Variants in USP34 observed in about 807,000 individuals in gnomAD.
USP34 encodes ubiquitin specific peptidase 34.
USP34 carries 70 observed loss-of-function variants against 460.3 expected under a neutral mutation model. That is an observed-to-expected ratio of 0.15 (90% CI 0.13 to 0.19). USP34 has a LOEUF of 0.19. USP34 is among the 10% of genes least tolerant of loss of function. The probability of loss-of-function intolerance (pLI) is 1.00; values close to 1 mark genes in which losing one functional copy is unlikely to be tolerated. For synonymous variants in USP34, 1,647 were observed against 1,405.3 expected (o/e 1.17, Z -3.85); for missense variants, 3,985 against 4,236.2 (o/e 0.94, Z 1.65).
At chr2:61,313,003 G>T (rs1422825136) in intron 25 of USP34, among the ~76,000 whole-genome samples, 1 of 152,106 alleles carries the variant, frequency 6.6e-6, no homozygotes, top group Admixed American at 6.5e-5. Flanking sequence ...ATCTACAGAT[G>T]TTAGGCAATT....
At position 61,405,729 on chromosome 2, in the gene USP34, A is replaced by G. The variant is rs1171870592; in HGVS notation, c.531T>C (p.His177=). The change falls in exon 3 of 80, where the codon CAT becomes CAC. Residue 177 remains histidine, a synonymous_variant. Coordinates refer to ENST00000398571, the MANE Select transcript of USP34 (RefSeq NM_014709.4). ...IQFPLYTAYK[H]NTHPTIEDIS... ...ATACCTCAATAGTAGGGTGAGTATT[A>G]TGCTTGTAAGCAGTATATAAGGGAA... The G allele has an allele frequency of 6.4e-7, 1 of 1,563,438 alleles. No individual in the cohort carries two copies. Among genetic ancestry groups the G allele is most frequent in the African/African-American group, 1.4e-5 (1 of 72,764 alleles).
intron 57 of USP34, among the ~76,000 whole-genome samples, chr2:61,232,826 CTTTAG>C (rs1687946757): frequency 7.3e-6 from 1 of 136,710 alleles, no homozygotes; most frequent in Admixed American, 7.7e-5. Context: ...GACATAGAAT[CTTTAG>C]TTCTTATTAA....
chr2:61,418,086 C>CTTTTTTTTTT (rs113786034), intron 2 of USP34, among the ~76,000 whole-genome samples: 1 of 138,854 alleles, frequency 7.2e-6, no homozygotes, highest in Non-Finnish European at 1.6e-5. Context: ...TGTTAACATA[C>CTTTTTTTTTT]TTTTTTTTTT....
chr2:61,310,529 T>C (rs1356796823), intron 27 of USP34, among the ~76,000 whole-genome samples: 1 of 151,398 alleles, frequency 6.6e-6, no homozygotes, highest in Non-Finnish European at 1.5e-5. Flanking sequence ...TAAATATATA[T>C]ATACATATAC....
intron 1 of USP34, among the ~76,000 whole-genome samples, chr2:61,428,453 A>C (rs180676076): frequency 6.6e-6 from 1 of 152,216 alleles, no homozygotes; most frequent in East Asian, 1.9e-4. Flanking sequence ...TGTAGCTGTT[A>C]ATGTAATAAA....
At chr2:61,354,799 C>G (rs1228940705) in intron 10 of USP34, among the ~76,000 whole-genome samples, 1 of 152,176 alleles carries the variant, frequency 6.6e-6, no homozygotes, top group Non-Finnish European at 1.5e-5. Context: ...AAATGTGAGG[C>G]TGGGGCTCAG....
At chr2:61,394,132 T>A (rs1693442055) in intron 5 of USP34, among the ~76,000 whole-genome samples, 2 of 152,016 alleles carry the variant, frequency 1.3e-5, no homozygotes. Flanking sequence ...AAAAAATAAA[T>A]AAAAGTATCT....
At chr2:61,235,075 G>GGGA (rs958496691) in intron 57 of USP34, among the ~76,000 whole-genome samples, 1 of 151,796 alleles carries the variant, frequency 6.6e-6, no homozygotes, top group Non-Finnish European at 1.5e-5. Flanking sequence ...GATTTGCTAA[G>GGGA]GGAGGAGATC....
intron 75 of USP34, among the ~76,000 whole-genome samples, chr2:61,194,951 CAAA>C (rs59097382): frequency 0.61 from 76,443 of 125,944 alleles, 21,179 homozygotes; most frequent in East Asian, 0.7. Context: ...GAAACTCTGT[CAAA>C]AAAAAAAAAA....
intron 67 of USP34, 140 bp downstream of exon 67, chr2:61,220,151 TAAAAAAAAAAAAAAAAAAA>T (rs60784334): frequency 1.5e-4 from 26 of 169,408 alleles, no homozygotes; most frequent in East Asian, 3.2e-4. Flanking sequence ...TTTCCTATCC[TAAAAAAAAAAAAAAAAAAA>T]AAAAAAAAAA....
At chr2:61,248,853 C>G (rs1398694657) in intron 48 of USP34, among the ~76,000 whole-genome samples, 170 bp from the exon 49 acceptor site, 1 of 152,198 alleles carries the variant, frequency 6.6e-6, no homozygotes, top group African/African-American at 2.4e-5. Flanking sequence ...CTGCCTGAAA[C>G]TGAGGACAGT....
At chr2:61,379,394 C>T (rs1692905701) in intron 7 of USP34, among the ~76,000 whole-genome samples, 1 of 152,100 alleles carries the variant, frequency 6.6e-6, no homozygotes, top group Non-Finnish European at 1.5e-5. Flanking sequence ...GTGGCGCACA[C>T]CTGTAGTCCC....
Position 61,406,006 on chromosome 2 carries a change from C to T in USP34, c.254G>A (p.Cys85Tyr), listed in dbSNP as rs759947729. Reference sequence around the variant, plus strand: ...CGTGGAATCTATGTTAATGGTAGTACAATGTTTACAAAGCTGGTCCCGGAG... The same window carrying T: ...CGTGGAATCTATGTTAATGGTAGTATAATGTTTACAAAGCTGGTCCCGGAG... Reference protein sequence around the residue: ...QVLRDQLCKHCTTINIDSTWQ... With the variant: ...QVLRDQLCKHYTTINIDSTWQ... The change falls in exon 3 of 80, where the codon TGT (cysteine) becomes TAT (tyrosine). Residue 85 changes from cysteine to tyrosine, a missense_variant. By Grantham distance (194) the Cys-to-Tyr change is radical. This residue lies in a region of USP34 where 331 missense variants were observed against 293.7 expected (regional missense o/e 1.13). Transcript: ENST00000398571. 6.2e-7 allele frequency: 1 copy of T among 1,613,590 alleles called. No homozygotes were observed. Among genetic ancestry groups the T allele is most frequent in the Non-Finnish European group, 8.5e-7 (1 of 1,179,956 alleles).
At chr2:61,405,684 A>C in intron 3 of USP34, 24 bp downstream of exon 3, 1 of 1,502,170 alleles carries the variant, frequency 6.7e-7, no homozygotes, top group Non-Finnish European at 8.9e-7. Flanking sequence ...ATTACTTAAA[A>C]TTCACACCAC....
intron 57 of USP34, among the ~76,000 whole-genome samples, chr2:61,234,468 T>C: frequency 6.6e-6 from 1 of 152,128 alleles, no homozygotes; most frequent in Admixed American, 6.5e-5. Context: ...TAAACTGATC[T>C]ACTGAGACAG....
intron 10 of USP34, among the ~76,000 whole-genome samples, chr2:61,361,398 G>C (rs973120530): frequency 5.3e-5 from 8 of 152,160 alleles, no homozygotes; most frequent in African/African-American, 1.9e-4. Context: ...CTCCAACCTG[G>C]ACAACAGAGC....
Position 61,405,746 on chromosome 2 carries a change from A to G in USP34, c.514T>C (p.Tyr172His), listed in dbSNP as rs184824807. 51 of 1,593,858 alleles carry G rather than the reference A, an allele frequency of 3.2e-5. No individual in the cohort carries two copies. In the Admixed American group the frequency reaches 7.5e-4, roughly 23 times the overall value. Reference protein sequence around the residue: ...AKIFQIQFPLYTAYKHNTHPT... With the variant: ...AKIFQIQFPLHTAYKHNTHPT... ...TGAGTATTATGCTTGTAAGCAGTAT[A>G]TAAGGGAAACTGAATTTGAAAAATT... is the stretch of plus-strand genomic sequence containing the variant. Residue 172 changes from tyrosine to histidine, a missense_variant, in exon 3 of 80, where the codon TAT (tyrosine) becomes CAT (histidine). Tyr to His is a moderately conservative substitution (Grantham distance 83, BLOSUM62 2). Transcript: ENST00000398571.
intron 1 of USP34, among the ~76,000 whole-genome samples, chr2:61,444,495 G>A (rs2104035572): frequency 6.6e-6 from 1 of 152,180 alleles, no homozygotes; most frequent in East Asian, 1.9e-4. Flanking sequence ...CTGAGGCAGT[G>A]ACTACATTTG....
In USP34 at chr2:61,362,043, CAAAT is replaced by C. The variant is rs145298244; in HGVS notation, c.1251+8274_1251+8277del. Among the ~76,000 whole-genome samples, 950 of 152,068 alleles carry C rather than the reference CAAAT, an allele frequency of 6.2e-3. 2 individuals carry two copies. Among genetic ancestry groups the C allele is most frequent in the Non-Finnish European group, 9.9e-3 (672 of 67,940 alleles). ...TAGACATTTCTCAAAAAAAGACAAA[CAAAT>C]AGCCAATAGGTATAAAAGCTGCTCA... On this transcript the variant is annotated intron_variant, in intron 10 of 79. Coordinates refer to ENST00000398571, the MANE Select transcript of USP34 (RefSeq NM_014709.4).
Sources: allele counts gnomAD v4.1 joint callset (sites outside exome capture counted in the v4.1 genomes callset), GRCh38; gene constraint gnomAD v4.1.1; regional missense constraint gnomAD v4.1.1; transcripts MANE v1.5; gene names NCBI Gene and HGNC (gene_info 2026-07-23, HGNC 2026-07-21).